ROR1: variants seen among roughly 807,000 people sequenced by gnomAD.
ROR1 encodes the protein inactive tyrosine-protein kinase transmembrane receptor ROR1.
In ROR1, 19 loss-of-function variants were observed where a neutral mutation model predicts 78.8. The ratio of observed to expected loss-of-function variants is 0.24; its 90% CI spans 0.17 to 0.35. The LOEUF (loss-of-function observed/expected upper bound fraction) is 0.35. ROR1 is among the 10% of genes least tolerant of loss of function. ROR1 has a pLI of 1.00. For missense variants in ROR1, 917 were observed against 1,177.8 expected (o/e 0.78, Z 3.24); for synonymous variants, 386 against 433.6 (o/e 0.89, Z 1.36).
chr1:63,793,652 G>T (rs951249353), intron 1 of ROR1, among the ~76,000 whole-genome samples: 1 of 152,196 alleles, frequency 6.6e-6, no homozygotes. Flanking sequence ...GAAGCTCAGG[G>T]TATGTTTTTT....
At chr1:63,904,560 T>C (rs192746691) in intron 1 of ROR1, among the ~76,000 whole-genome samples, 4 of 152,308 alleles carry the variant, frequency 2.6e-5, no homozygotes, top group East Asian at 3.9e-4. Context: ...TTGAGGTGTG[T>C]CCCTTCCTCC....
chr1:64,041,498 G>A (rs1163557488), intron 2 of ROR1, among the ~76,000 whole-genome samples: 2 of 152,170 alleles, frequency 1.3e-5, no homozygotes, highest in African/African-American at 2.4e-5. Flanking sequence ...AAACTCCTTT[G>A]AGTGGCACCA....
intron 1 of ROR1, among the ~76,000 whole-genome samples, chr1:63,947,185 G>A (rs187473687): frequency 1.2e-3 from 187 of 152,282 alleles, no homozygotes; most frequent in African/African-American, 4.2e-3. Flanking sequence ...TGGCCCAGGA[G>A]CAGCAGTCCG....
At chr1:63,815,484 C>CTTTTTTTTTTTTTTTTTTTTTTTTT (rs34749985) in intron 1 of ROR1, among the ~76,000 whole-genome samples, 3 of 85,350 alleles carry the variant, frequency 3.5e-5, no homozygotes, top group African/African-American at 7.1e-5. Context: ...TTTTCTTTTT[C>CTTTTTTTTTTTTTTTTTTTTTTTTT]TTTTTTTTTT....
At position 64,159,128 on chromosome 1, in the gene ROR1, G is replaced by A. The variant is rs1649862853; in HGVS notation, c.1322G>A (p.Arg441Lys). 5.0e-6 allele frequency: 8 copies of A among 1,613,976 alleles called. No homozygotes were observed. Among genetic ancestry groups the A allele is most frequent in the Non-Finnish European group, 6.8e-6 (8 of 1,180,004 alleles). The change falls in exon 8 of 9, where the codon AGG becomes AAG. Residue 441 changes from arginine (R) to lysine (K), a missense_variant. Arg to Lys is a conservative substitution (Grantham distance 26). Around this residue, in one of 3 missense-constraint regions of ROR1, gnomAD observed 835 missense variants for 1,069.8 expected, o/e 0.78. Coordinates refer to ENST00000371079, the MANE Select transcript of ROR1 (RefSeq NM_005012.4). Reference protein sequence around the residue: ...NQKSSSAPVQRQPKHVRGQNV... With the variant: ...NQKSSSAPVQKQPKHVRGQNV... ...AAGTCATCGTCGGCACCAGTCCAGA[G>A]GCAACCAAAACACGTCAGAGGTCAA...
intron 1 of ROR1, among the ~76,000 whole-genome samples, chr1:63,923,621 G>T (rs1198010960): frequency 2.0e-5 from 3 of 151,306 alleles, no homozygotes; most frequent in Non-Finnish European, 4.4e-5. Flanking sequence ...TTCACCTCTA[G>T]CCTAGATTAC....
chr1:63,902,798 T>G (rs906519236), intron 1 of ROR1, among the ~76,000 whole-genome samples: 2 of 152,180 alleles, frequency 1.3e-5, no homozygotes, highest in East Asian at 3.9e-4. Context: ...GCAGTAGACA[T>G]TTCCATGGAA....
At chr1:64,082,070 T>C (rs1373689650) in intron 4 of ROR1, among the ~76,000 whole-genome samples, 1 of 152,116 alleles carries the variant, frequency 6.6e-6, no homozygotes, top group African/African-American at 2.4e-5. Flanking sequence ...AGATAAAATT[T>C]TGGAGTCATA....
At chr1:64,143,051 C>A in intron 7 of ROR1, 1 of 1,061,098 alleles carries the variant, frequency 9.4e-7, no homozygotes. Flanking sequence ...CTTAAGAACA[C>A]CACAAGGCAG....
intron 1 of ROR1, among the ~76,000 whole-genome samples, chr1:63,885,579 C>T (rs1311131473): frequency 3.3e-5 from 5 of 152,058 alleles, no homozygotes; most frequent in Non-Finnish European, 5.9e-5. Flanking sequence ...GGTGCAACAA[C>T]GAGGTTTCTC....
intron 1 of ROR1, among the ~76,000 whole-genome samples, chr1:63,810,134 A>G (rs1644851624): frequency 6.6e-6 from 1 of 152,148 alleles, no homozygotes; most frequent in African/African-American, 2.4e-5. Flanking sequence ...CGAGAAACCC[A>G]TTTTGAGAAT....
intron 8 of ROR1, among the ~76,000 whole-genome samples, chr1:64,164,142 C>T (rs1057098316): frequency 6.6e-6 from 1 of 152,122 alleles, no homozygotes; most frequent in Non-Finnish European, 1.5e-5. Context: ...CTTTTCCTCT[C>T]TCATTCTCTT....
At chr1:63,779,191 G>T (rs944124218) in intron 1 of ROR1, among the ~76,000 whole-genome samples, 1 of 152,150 alleles carries the variant, frequency 6.6e-6, no homozygotes, top group Non-Finnish European at 1.5e-5. Flanking sequence ...AAGTGTGCTC[G>T]CCAGTTTTTT....
chr1:64,067,591 T>C (rs1646967682), intron 4 of ROR1, among the ~76,000 whole-genome samples: 1 of 152,024 alleles, frequency 6.6e-6, no homozygotes, highest in African/African-American at 2.4e-5. Flanking sequence ...AAACATTATT[T>C]TTCTTTCATT....
chr1:64,099,858 CA>C (rs140887059), intron 4 of ROR1, among the ~76,000 whole-genome samples: 7,370 of 152,072 alleles, frequency 0.048, 203 homozygotes, highest in Middle Eastern at 0.095. Flanking sequence ...AGTCCAAGAC[CA>C]GCTGGCCAAT....
intron 1 of ROR1, among the ~76,000 whole-genome samples, chr1:63,934,623 C>T (rs184783094): frequency 4.6e-5 from 7 of 152,284 alleles, no homozygotes; most frequent in Admixed American, 2.0e-4. Flanking sequence ...GACTGCAAGG[C>T]GGAATCTAAT....
intron 4 of ROR1, among the ~76,000 whole-genome samples, chr1:64,089,914 G>T (rs1200582936): frequency 6.6e-6 from 1 of 152,056 alleles, no homozygotes; most frequent in Non-Finnish European, 1.5e-5. Flanking sequence ...TCGTCATAAT[G>T]AATAAGTCTC....
intron 4 of ROR1, among the ~76,000 whole-genome samples, chr1:64,051,457 A>AAAAAT (rs71056018): frequency 0.057 from 4,347 of 76,606 alleles, 230 homozygotes; most frequent in African/African-American, 0.12. Flanking sequence ...CTCAAAAATA[A>AAAAAT]AAAATAAAAT....
intron 1 of ROR1, among the ~76,000 whole-genome samples, chr1:63,959,225 C>A (rs766589154): frequency 7.2e-5 from 11 of 152,160 alleles, no homozygotes; most frequent in African/African-American, 2.7e-4. Context: ...AGAACTCACT[C>A]ACTGTCATGA....
Sources: allele counts gnomAD v4.1 joint callset (sites outside exome capture counted in the v4.1 genomes callset), GRCh38; gene constraint gnomAD v4.1.1; regional missense constraint gnomAD v4.1.1; transcripts MANE v1.5; gene names NCBI Gene and HGNC (gene_info 2026-07-23, HGNC 2026-07-21).